Variants in PCDHGA5 observed in about 807,000 individuals in gnomAD.
The protein encoded by PCDHGA5 is protocadherin gamma-A5.
PCDHGA5 carries 36 observed loss-of-function variants against 56.7 expected under a neutral mutation model. That is an observed-to-expected ratio of 0.64 (90% CI 0.49 to 0.84). The LOEUF is 0.84. PCDHGA5 is among the 40% of genes least tolerant of loss of function. The probability of loss-of-function intolerance (pLI) is 0.00; values close to 1 mark genes in which losing one functional copy is unlikely to be tolerated. For synonymous variants in PCDHGA5, 563 were observed against 520.2 expected (o/e 1.08, Z -1.12); for missense variants, 1,305 against 1,201.5 (o/e 1.09, Z -1.27).
At chr5:141,428,230 C>A in intron 1 of PCDHGA5, 1 of 1,073,982 alleles carries the variant, frequency 9.3e-7, no homozygotes, top group Non-Finnish European at 1.4e-6. Flanking sequence ...CGCAGACAGC[C>A]TGCAGGAGGC....
chr5:141,403,863 C>CA (rs1449407003), intron 1 of PCDHGA5: 1 of 1,613,374 alleles, frequency 6.2e-7, no homozygotes, highest in Non-Finnish European at 8.5e-7. Flanking sequence ...ATATCAACAG[C>CA]AAAAAGTCTA....
At chr5:141,375,326 G>A in intron 1 of PCDHGA5, 2 of 1,613,776 alleles carry the variant, frequency 1.2e-6, no homozygotes, top group Non-Finnish European at 1.7e-6. Flanking sequence ...CCGGGAAGAG[G>A]TATTCTTGTA....
rs545310006 is a variant in PCDHGA5 at position 141,395,123 on chromosome 5, T to C, written c.2421+28372T>C. ...ACTCGCGGAAGAGTCACCTGATCTTTCCCCAGCCCAACTACGCAGACATGC... is the reference window on the plus strand; with the variant it reads ...ACTCGCGGAAGAGTCACCTGATCTTCCCCCAGCCCAACTACGCAGACATGC... On this transcript the variant is annotated intron_variant, in intron 1 of 3. Coordinates refer to ENST00000518069, the MANE Select transcript of PCDHGA5 (RefSeq NM_018918.3). 2.5e-6 allele frequency: 4 copies of C among 1,614,148 alleles called. No homozygotes were observed. In the Admixed American group the frequency reaches 6.7e-5, roughly 27 times the overall value.
At chr5:141,427,960 G>C (rs759698390) in intron 1 of PCDHGA5, 7 of 1,589,168 alleles carry the variant, frequency 4.4e-6, no homozygotes, top group South Asian at 1.1e-5. Flanking sequence ...AATGTGCCGC[G>C]GGTGCTGTAC....
At chr5:141,506,649 T>C (rs1487823663) in intron 3 of PCDHGA5, among the ~76,000 whole-genome samples, 1 of 152,114 alleles carries the variant, frequency 6.6e-6, no homozygotes, top group Admixed American at 6.6e-5. Context: ...CAGCACAGGA[T>C]TGGCAGAGAG....
intron 1 of PCDHGA5, among the ~76,000 whole-genome samples, chr5:141,460,764 G>A (rs2098996981): frequency 6.6e-6 from 1 of 150,516 alleles, no homozygotes; most frequent in Admixed American, 6.7e-5. Flanking sequence ...TATACATATT[G>A]CATATGTATG....
Position 141,432,530 on chromosome 5 carries a change from G to C in PCDHGA5, c.2422-62277G>C. On this transcript the variant is annotated intron_variant, in intron 1 of 3. Transcript: ENST00000518069. This position sits in a 1 kb window ranked among gnomAD's most constrained non-coding sequence, Gnocchi z 6.0. ...AGAGCCCGGCTACCTGGTGACCAAG[G>C]TGGTGGCGGTGGACAGAGACTCCGG... 6.2e-7 allele frequency: 1 copy of C among 1,614,076 alleles called. No homozygotes were observed. Among genetic ancestry groups the C allele is most frequent in the South Asian group, 1.1e-5 (1 of 91,082 alleles).
intron 1 of PCDHGA5, chr5:141,367,483 G>A (rs971322037): frequency 1.5e-4 from 23 of 152,288 alleles, no homozygotes; most frequent in African/African-American, 5.5e-4. Flanking sequence ...CTTGCAGTAA[G>A]CCGAGATCGC....
At chr5:141,385,591 T>C in intron 1 of PCDHGA5, 3 of 1,245,038 alleles carry the variant, frequency 2.4e-6, no homozygotes, top group Non-Finnish European at 3.0e-6. Context: ...TGTTCCAACC[T>C]ACTTTCTTAA....
At chr5:141,433,272 C>A in intron 1 of PCDHGA5, 1 of 1,252,410 alleles carries the variant, frequency 8.0e-7, no homozygotes, top group Non-Finnish European at 1.1e-6. Context: ...TAGCTCACTG[C>A]AGCCTCAAAC....
chr5:141,394,640 C>T (rs1316258017), intron 1 of PCDHGA5: 2 of 1,613,310 alleles, frequency 1.2e-6, no homozygotes, highest in Non-Finnish European at 1.7e-6. Flanking sequence ...ACCGCCTGCT[C>T]AAGGCCAGCG....
In PCDHGA5 at chr5:141,381,826, CTTTTTT is replaced by C. The variant is rs770630741; in HGVS notation, c.2421+15092_2421+15097del. 6.8e-3 allele frequency among the ~76,000 whole-genome samples: 507 copies of C among 74,296 alleles called. 2 individuals are homozygous for C. Among genetic ancestry groups the C allele is most frequent in the Non-Finnish European group, 8.2e-3 (349 of 42,396 alleles). 48.7% of individuals were successfully genotyped at this position (74,296 alleles called of 152,430 possible). On this transcript the variant is annotated intron_variant, in intron 1 of 3. Transcript: ENST00000518069. ...TTTCTTTCTTTCTTTCTTTCTTCTT[CTTTTTT>C]TTTTTTTTTTTTTTTTGGCAGAGTT... is the stretch of plus-strand genomic sequence containing the variant.
At chr5:141,372,202 G>T (rs765463778) in intron 1 of PCDHGA5, 2 of 1,613,574 alleles carry the variant, frequency 1.2e-6, no homozygotes, top group South Asian at 2.2e-5. Flanking sequence ...TACAACGCCT[G>T]GCTGTCCTAC....
intron 1 of PCDHGA5, among the ~76,000 whole-genome samples, chr5:141,461,782 TAG>T (rs2099022757): frequency 6.6e-6 from 1 of 152,086 alleles, no homozygotes; most frequent in South Asian, 2.1e-4. Context: ...GCCTCCCAAG[TAG>T]CTGGGATTAC....
chr5:141,479,679 T>A (rs1211872684), intron 1 of PCDHGA5: 1 of 152,258 alleles, frequency 6.6e-6, no homozygotes, highest in East Asian at 1.9e-4. Flanking sequence ...AAGGAGAGTC[T>A]TTTTGGTGCC....
chr5:141,394,968 T>A, intron 1 of PCDHGA5: 1 of 1,613,938 alleles, frequency 6.2e-7, no homozygotes, highest in Non-Finnish European at 8.5e-7. Flanking sequence ...GCTGAGGCGC[T>A]GGCACAAGTC....
At chr5:141,403,509 A>G in intron 1 of PCDHGA5, 1 of 1,614,002 alleles carries the variant, frequency 6.2e-7, no homozygotes, top group Non-Finnish European at 8.5e-7. Context: ...CAGACTGGAG[A>G]CAATGGAGCC....
chr5:141,388,843 G>C (rs750672396), intron 1 of PCDHGA5: 1 of 1,614,002 alleles, frequency 6.2e-7, no homozygotes, highest in Admixed American at 1.7e-5. Flanking sequence ...TTGGAAGCAA[G>C]GGACGGTGGA....
intron 1 of PCDHGA5, chr5:141,441,872 G>T: frequency 2.9e-6 from 1 of 341,646 alleles, no homozygotes. Flanking sequence ...GCGGAGCCTG[G>T]CTACCTGGTC....
Sources: gnomAD v4.1 joint callset for allele counts (sites outside exome capture counted in the v4.1 genomes callset) on GRCh38, gnomAD v4.1.1 for gene constraint, Gnocchi (gnomAD v3.1) non-coding constraint, MANE v1.5 for transcripts, NCBI Gene and HGNC (gene_info 2026-07-23, HGNC 2026-07-21) for gene names.